FMN1: variants seen among roughly 807,000 people sequenced by gnomAD.
FMN1 encodes formin 1.
In FMN1, 110 loss-of-function variants were observed where a neutral mutation model predicts 132.4. That is an observed-to-expected ratio of 0.83 (90% CI 0.71 to 0.97). The LOEUF is 0.97. FMN1 is among the 50% of genes least tolerant of loss of function. The pLI is 0.00. For missense variants in FMN1, 1,792 were observed against 1,705.3 expected (o/e 1.05, Z -0.90); for synonymous variants, 722 against 651.7 (o/e 1.11, Z -1.64).
chr15:32,840,592 G>A (rs1201789635), intron 17 of FMN1, among the ~76,000 whole-genome samples: 2 of 152,250 alleles, frequency 1.3e-5, no homozygotes, highest in Non-Finnish European at 2.9e-5. Context: ...ACACAGGCAA[G>A]TTCCAGGGAT....
chr15:32,967,818 T>C (rs1278675669), intron 8 of FMN1, among the ~76,000 whole-genome samples: 1 of 152,200 alleles, frequency 6.6e-6, no homozygotes. Context: ...CTAAGCAAAG[T>C]GTTATATAAA....
intron 6 of FMN1, chr15:33,012,734 G>T: frequency 1.3e-6 from 1 of 750,480 alleles, no homozygotes; most frequent in Non-Finnish European, 2.4e-6. Flanking sequence ...GGTGGCCATG[G>T]AGGTGGTTTT....
chr15:33,044,056 C>A (rs968602765), intron 6 of FMN1, among the ~76,000 whole-genome samples: 1 of 152,240 alleles, frequency 6.6e-6, no homozygotes, highest in Admixed American at 6.5e-5. Flanking sequence ...ACAGTTGAGA[C>A]CAAGCCCAGG....
chr15:32,826,048 T>C (rs2058356759), intron 17 of FMN1, among the ~76,000 whole-genome samples: 1 of 152,200 alleles, frequency 6.6e-6, no homozygotes, highest in Non-Finnish European at 1.5e-5. Context: ...GCTGTTTGGA[T>C]AACAAAACTC....
chr15:33,193,743 C>T (rs1467320024), intron 2 of FMN1, among the ~76,000 whole-genome samples, 166 bp downstream of exon 2: 2 of 152,146 alleles, frequency 1.3e-5, no homozygotes, highest in African/African-American at 4.8e-5. Context: ...TTTTCTTTGG[C>T]AATCTCAATT....
chr15:32,858,753 T>C (rs1420400709), intron 16 of FMN1, among the ~76,000 whole-genome samples: 2 of 152,222 alleles, frequency 1.3e-5, no homozygotes, highest in African/African-American at 4.8e-5. Flanking sequence ...AGTCAAATAA[T>C]CATTTAAAAC....
At chr15:32,982,703 C>T (rs544755820) in intron 7 of FMN1, among the ~76,000 whole-genome samples, 14 of 152,122 alleles carry the variant, frequency 9.2e-5, no homozygotes, top group Admixed American at 5.2e-4. Context: ...AAGACTGACT[C>T]TCCCACTACT....
At chr15:33,046,748 G>GTCTC (rs34119363) in intron 6 of FMN1, among the ~76,000 whole-genome samples, 3 of 151,784 alleles carry the variant, frequency 2.0e-5, no homozygotes, top group Non-Finnish European at 2.9e-5. Flanking sequence ...CAGACTTCTG[G>GTCTC]TCTCTCTCTC....
chr15:33,062,185 C>T (rs1348961218), intron 6 of FMN1, among the ~76,000 whole-genome samples: 1 of 152,088 alleles, frequency 6.6e-6, no homozygotes, highest in Non-Finnish European at 1.5e-5. Context: ...CTTAAAAAGG[C>T]ATATACTCTT....
chr15:33,125,030 C>G (rs568519758), intron 4 of FMN1, among the ~76,000 whole-genome samples: 115 of 150,698 alleles, frequency 7.6e-4, no homozygotes, highest in Admixed American at 2.0e-3. Context: ...TCCATGTCTA[C>G]TCTATCATGG....
At chr15:33,140,193 A>AACACACACACACACACAC (rs61485667) in intron 4 of FMN1, among the ~76,000 whole-genome samples, 12 of 142,964 alleles carry the variant, frequency 8.4e-5, no homozygotes, top group South Asian at 4.7e-4. Flanking sequence ...CCTATGGTTA[A>AACACACACACACACACAC]ACACACACAC....
chr15:32,914,845 G>A lies in FMN1; in HGVS notation c.3227-4310C>T, dbSNP rs181403687. Among the ~76,000 whole-genome samples the A allele has an allele frequency of 3.5e-4, 54 of 152,306 alleles. No individual in the cohort carries two copies. In the East Asian group the frequency reaches 8.5e-3, roughly 24 times the overall value. Reference sequence around the variant, plus strand: ...TACCATCCCCCCAGAAACAGGCAGAGGAGTCTAAGAGGTGAGCATGACTAC... The same window carrying A: ...TACCATCCCCCCAGAAACAGGCAGAAGAGTCTAAGAGGTGAGCATGACTAC... On this transcript the variant is annotated intron_variant, in intron 10 of 20. Transcript: ENST00000616417.
At chr15:32,795,591 GT>G (rs376222306) in intron 19 of FMN1, among the ~76,000 whole-genome samples, 2,759 of 150,348 alleles carry the variant, frequency 0.018, 69 homozygotes, top group South Asian at 0.024. Context: ...ATTAATGGGG[GT>G]GGGGGGGTGG....
intron 4 of FMN1, among the ~76,000 whole-genome samples, chr15:33,099,905 C>A (rs1258743814): frequency 6.6e-6 from 1 of 152,190 alleles, no homozygotes; most frequent in Non-Finnish European, 1.5e-5. Flanking sequence ...CCAGAATACA[C>A]AGCTGTGGGA....
chr15:33,043,647 A>C (rs1200503655), intron 6 of FMN1, among the ~76,000 whole-genome samples: 1 of 152,260 alleles, frequency 6.6e-6, no homozygotes, highest in Non-Finnish European at 1.5e-5. Flanking sequence ...AGTACTGTGT[A>C]AACAAGCAAG....
intron 17 of FMN1, among the ~76,000 whole-genome samples, chr15:32,828,983 A>G (rs1233020615): frequency 4.6e-5 from 7 of 152,206 alleles, no homozygotes; most frequent in Non-Finnish European, 8.8e-5. Context: ...TTTGCTACAC[A>G]TCGAATGTTT....
chr15:32,915,895 G>A (rs927410906), intron 10 of FMN1, among the ~76,000 whole-genome samples: 3 of 152,172 alleles, frequency 2.0e-5, no homozygotes, highest in Non-Finnish European at 4.4e-5. Flanking sequence ...GTAGACACAC[G>A]CTGTGAAAAG....
chr15:32,856,739 G>T (rs2059140983), intron 17 of FMN1, among the ~76,000 whole-genome samples: 2 of 152,178 alleles, frequency 1.3e-5, no homozygotes, highest in African/African-American at 4.8e-5. Flanking sequence ...TGAGCCCCAT[G>T]AAGAGACAAA....
chr15:32,821,579 G>A (rs1278215255), intron 17 of FMN1, among the ~76,000 whole-genome samples: 2 of 149,004 alleles, frequency 1.3e-5, no homozygotes, highest in Admixed American at 6.8e-5. Context: ...AGCCTCCCAA[G>A]TAGCTGGGAC....
Sources: gnomAD v4.1 joint callset for allele counts (sites outside exome capture counted in the v4.1 genomes callset) on GRCh38, gnomAD v4.1.1 for gene constraint, MANE v1.5 for transcripts, NCBI Gene and HGNC (gene_info 2026-07-23, HGNC 2026-07-21) for gene names.